The following MAGI1 variants were observed in gnomAD, a reference collection of about 807,000 sequenced individuals.
MAGI1 encodes membrane-associated guanylate kinase, WW and PDZ domain-containing protein 1.
A neutral mutation model predicts 139.9 loss-of-function variants in MAGI1; 58 were observed. That is an observed-to-expected ratio of 0.41 (90% CI 0.34 to 0.52). The LOEUF (loss-of-function observed/expected upper bound fraction) is 0.52. Among genes scored for constraint, MAGI1 ranks in the 20% least tolerant of loss-of-function variants. MAGI1 has a pLI of 0.12. For missense variants in MAGI1, 1,874 were observed against 1,901.6 expected (o/e 0.99, Z 0.27); for synonymous variants, 812 against 737.9 (o/e 1.10, Z -1.63).
intron 1 of MAGI1, among the ~76,000 whole-genome samples, chr3:65,647,552 C>CT (rs2085332692): frequency 1.3e-5 from 2 of 152,192 alleles, no homozygotes; most frequent in East Asian, 1.9e-4. Flanking sequence ...ACAATATACA[C>CT]TATGACCAAG....
rs201924466 is a variant in MAGI1 at position 65,548,510 on chromosome 3, TC to T, written c.431-54880del. Among the ~76,000 whole-genome samples, 688 of 107,684 alleles carry T rather than the reference TC, an allele frequency of 6.4e-3. 58 individuals are homozygous for T. Among genetic ancestry groups the T allele is most frequent in the East Asian group, 0.025 (80 of 3,210 alleles). 70.6% of individuals were successfully genotyped at this position (107,684 alleles called of 152,430 possible). On this transcript the variant is annotated intron_variant, in intron 2 of 22. Coordinates refer to ENST00000402939, the MANE Select transcript of MAGI1 (RefSeq NM_001033057.2). Reference sequence around the variant, plus strand: ...GAGCCCAGCTTTATGCAAACAACACTCTTTTTTTTTTTTTTTTTTTTTTTTT... The same window carrying T: ...GAGCCCAGCTTTATGCAAACAACACTTTTTTTTTTTTTTTTTTTTTTTTTT...
chr3:65,562,424 T>C (rs914454329), intron 2 of MAGI1, among the ~76,000 whole-genome samples: 1 of 152,208 alleles, frequency 6.6e-6, no homozygotes, highest in Non-Finnish European at 1.5e-5. Context: ...AATATAGTAT[T>C]GTAAAAAAGT....
Position 65,439,958 on chromosome 3 carries a change from C to T in MAGI1, c.1191G>A (p.Lys397=). Residue 397 remains lysine, a synonymous_variant, in exon 9 of 23, where the codon AAG becomes AAA. Coordinates refer to ENST00000402939, the MANE Select transcript of MAGI1 (RefSeq NM_001033057.2). ...YENPVLEAKR[K]KQLEQQQQQQ... is the part of the protein sequence containing the mutation. ...GCTGCTGCTGCTGCTCAAGCTGCTT[C>T]TTCCGTTTGGCTTCTAGAACCGGGT... The T allele has an allele frequency of 1.9e-6, 3 of 1,613,994 alleles. No individual in the cohort carries two copies. Among genetic ancestry groups the T allele is most frequent in the South Asian group, 2.2e-5 (2 of 91,080 alleles).
In MAGI1 at chr3:65,945,480, T is replaced by C. The variant is rs140001155; in HGVS notation, c.313+92516A>G. Among the ~76,000 whole-genome samples the C allele has an allele frequency of 3.3e-3, 501 of 152,272 alleles. 4 individuals are homozygous for C. Among genetic ancestry groups the C allele is most frequent in the African/African-American group, 0.011 (465 of 41,546 alleles). On this transcript the variant is annotated intron_variant, in intron 1 of 22. Coordinates refer to ENST00000402939, the MANE Select transcript of MAGI1 (RefSeq NM_001033057.2). ...TATAGCCTGAGAAGGACTCTGTACT[T>C]TTATATTTGAGTCCTTGTGGACCAA...
chr3:65,547,570 C>T (rs1023319913), intron 2 of MAGI1, among the ~76,000 whole-genome samples: 3 of 152,108 alleles, frequency 2.0e-5, no homozygotes, highest in Non-Finnish European at 2.9e-5. Context: ...GTTGTACTGC[C>T]CACTTTCTGC....
In MAGI1 at chr3:65,509,202, C is replaced by A. The variant is rs72893010; in HGVS notation, c.431-15571G>T. ...AAACAAAACAATCAAAATAAACAAA[C>A]AAAACACAGGTATTTAAATGAAGCA... On this transcript the variant is annotated intron_variant, in intron 2 of 22. Transcript: ENST00000402939. Among the ~76,000 whole-genome samples, 1,222 of 152,258 alleles carry A rather than the reference C, an allele frequency of 8.0e-3. 25 individuals are homozygous for A. Among genetic ancestry groups the A allele is most frequent in the African/African-American group, 0.029 (1,185 of 41,556 alleles).
chr3:65,539,731 C>T (rs140527965), intron 2 of MAGI1, among the ~76,000 whole-genome samples: 1 of 152,296 alleles, frequency 6.6e-6, no homozygotes, highest in African/African-American at 2.4e-5. Context: ...GAGGCCTGTG[C>T]CTTTACCCAC....
chr3:65,677,082 A>G (rs1262382459), intron 1 of MAGI1, among the ~76,000 whole-genome samples: 1 of 152,212 alleles, frequency 6.6e-6, no homozygotes, highest in African/African-American at 2.4e-5. Context: ...TGAGAAAGAG[A>G]TAAACAATTC....
intron 1 of MAGI1, among the ~76,000 whole-genome samples, chr3:65,992,014 T>A (rs1194928756): frequency 6.7e-6 from 1 of 150,272 alleles, no homozygotes; most frequent in Non-Finnish European, 1.5e-5. Flanking sequence ...GAACTCCATC[T>A]CAAAATAAAT....
chr3:65,595,805 T>C (rs4408825), intron 2 of MAGI1, among the ~76,000 whole-genome samples: 25,286 of 98,868 alleles, frequency 0.26, 2,304 homozygotes, highest in South Asian at 0.29. Context: ...TTTTTAACTC[T>C]CTGGGGTGGG....
At chr3:65,410,636 C>G (rs952088708) in intron 12 of MAGI1, among the ~76,000 whole-genome samples, 1 of 152,186 alleles carries the variant, frequency 6.6e-6, no homozygotes, top group Non-Finnish European at 1.5e-5. Context: ...GTATCTAGGG[C>G]TCATAACTGC....
intron 1 of MAGI1, among the ~76,000 whole-genome samples, chr3:65,672,372 C>T (rs1181018526): frequency 1.3e-5 from 2 of 152,176 alleles, no homozygotes; most frequent in South Asian, 2.1e-4. Context: ...GCTAATTAAG[C>T]TCCAAAGGAG....
chr3:65,799,920 T>C (rs1360479235), intron 1 of MAGI1, among the ~76,000 whole-genome samples: 5 of 152,112 alleles, frequency 3.3e-5, no homozygotes, highest in Admixed American at 2.6e-4. Context: ...TTGAAAAAAA[T>C]AGATAAAACA....
At chr3:65,868,828 A>T (rs1243159416) in intron 1 of MAGI1, among the ~76,000 whole-genome samples, 1 of 151,936 alleles carries the variant, frequency 6.6e-6, no homozygotes, top group African/African-American at 2.4e-5. Flanking sequence ...TACTTTGCAT[A>T]TTTTTCTGAA....
chr3:65,775,535 T>G (rs1010998175), intron 1 of MAGI1, among the ~76,000 whole-genome samples: 2 of 109,886 alleles, frequency 1.8e-5, no homozygotes, highest in African/African-American at 6.9e-5. Flanking sequence ...AAAAGCATCT[T>G]AAAGAAAACA....
intron 1 of MAGI1, among the ~76,000 whole-genome samples, chr3:66,032,408 G>C (rs1231115854): frequency 2.2e-5 from 3 of 136,050 alleles, no homozygotes; most frequent in Admixed American, 7.8e-5. Context: ...TTTTAGTAGA[G>C]ACAGGGTTTC....
chr3:65,647,397 TAC>T (rs1327144980), intron 1 of MAGI1, among the ~76,000 whole-genome samples: 1 of 152,100 alleles, frequency 6.6e-6, no homozygotes, highest in East Asian at 1.9e-4. Flanking sequence ...AACCTAGTAT[TAC>T]TCTGATACCA....
At chr3:65,758,538 C>A (rs1398991987) in intron 1 of MAGI1, among the ~76,000 whole-genome samples, 1 of 152,034 alleles carries the variant, frequency 6.6e-6, no homozygotes, top group Non-Finnish European at 1.5e-5. Context: ...AAATTAATTT[C>A]CAATATATAT....
At chr3:65,900,053 T>G (rs1024929986) in intron 1 of MAGI1, among the ~76,000 whole-genome samples, 3 of 152,122 alleles carry the variant, frequency 2.0e-5, no homozygotes, top group African/African-American at 7.2e-5. Flanking sequence ...GATTAGCTTT[T>G]ACATTATCAT....
Sources: gnomAD v4.1 joint callset for allele counts (sites outside exome capture counted in the v4.1 genomes callset) on GRCh38, gnomAD v4.1.1 for gene constraint, MANE v1.5 for transcripts, NCBI Gene and HGNC (gene_info 2026-07-23, HGNC 2026-07-21) for gene names.